Variants in STK31 observed in about 807,000 individuals in gnomAD.
STK31 encodes serine/threonine kinase 31.
A neutral mutation model predicts 129.7 loss-of-function variants in STK31; 89 were observed. The ratio of observed to expected loss-of-function variants is 0.69; its 90% CI spans 0.58 to 0.82. The LOEUF (loss-of-function observed/expected upper bound fraction) is 0.82. Ranked by LOEUF, STK31 falls within the 40% of genes least tolerant of loss-of-function variation. The pLI is 0.00. For synonymous variants in STK31, 448 were observed against 395.3 expected, an observed-to-expected ratio of 1.13 and a Z score of -1.58; for missense variants, 1,187 against 1,176.4, an observed-to-expected ratio of 1.01 and a Z score of -0.13.
intron 4 of STK31, among the ~76,000 whole-genome samples, chr7:23,724,552 AC>A (rs1190646545): frequency 6.6e-6 from 1 of 152,194 alleles, no homozygotes; most frequent in Non-Finnish European, 1.5e-5. Context: ...TTTGCAATAA[AC>A]CATTGCATAT....
chr7:23,764,598 T>C (rs1789695267), intron 11 of STK31, among the ~76,000 whole-genome samples: 1 of 152,192 alleles, frequency 6.6e-6, no homozygotes, highest in African/African-American at 2.4e-5. Context: ...AGAAATTGTA[T>C]TCTCGGTTTT....
chr7:23,786,919 T>C lies in STK31; in HGVS notation c.2482T>C (p.Ser828Pro). The C allele has an allele frequency of 6.2e-7, 1 of 1,613,454 alleles. No individual in the cohort carries two copies. The highest frequency in any genetic ancestry group is 8.5e-7 in the Non-Finnish European group (1 of 1,179,582). ...NAVQANMPLN[S>P]EETLKVMKGV... ...TGTTCAAGCCAACATGCCTTTAAAT[T>C]CAGAAGTAAGTAAAAAGCACTATTT... is the stretch of plus-strand genomic sequence containing the variant. Residue 828 changes from serine (S) to proline (P), a missense_variant, in exon 20 of 24, where the codon TCA becomes CCA. Ser to Pro is a moderately conservative substitution (Grantham distance 74). This residue lies in a region of STK31 where 975 missense variants were observed against 934.9 expected (regional missense o/e 1.04). Transcript: ENST00000355870.
intron 4 of STK31, chr7:23,721,512 T>C: frequency 9.0e-6 from 9 of 998,584 alleles, no homozygotes; most frequent in South Asian, 4.0e-5. Context: ...CCCACAAATA[T>C]GTATGTGTTA....
intron 3 of STK31, among the ~76,000 whole-genome samples, chr7:23,715,625 A>G (rs1037877911): frequency 2.0e-5 from 3 of 152,112 alleles, no homozygotes; most frequent in African/African-American, 7.2e-5. Context: ...TAGTCTGTAT[A>G]GTGAAAAAAT....
chr7:23,722,862 C>T (rs951700426), intron 4 of STK31: 9 of 152,326 alleles, frequency 5.9e-5, no homozygotes, highest in Non-Finnish European at 8.8e-5. Context: ...AGCGAGGCTC[C>T]GTGGGCATGG....
intron 23 of STK31, among the ~76,000 whole-genome samples, chr7:23,826,047 T>C (rs1280402679): frequency 6.6e-6 from 1 of 152,148 alleles, no homozygotes; most frequent in Non-Finnish European, 1.5e-5. Flanking sequence ...ATAGGTGTGG[T>C]GTGGTGCTGA....
In STK31 at chr7:23,810,977, AT is replaced by A. The variant is rs1051997593; in HGVS notation, c.2761-4159del. Among the ~76,000 whole-genome samples, 6 of 146,930 alleles carry A rather than the reference AT, an allele frequency of 4.1e-5. No homozygotes were observed. In the Admixed American group the frequency reaches 4.2e-4, roughly 10 times the overall value. Reference sequence around the variant, plus strand: ...CACACACACACCTACATGATGTCTTATTTTTTTTAAACAACACCTGTACTCC... The same window carrying A: ...CACACACACACCTACATGATGTCTTATTTTTTTAAACAACACCTGTACTCC... On this transcript the variant is annotated intron_variant, in intron 22 of 23. Transcript: ENST00000355870.
At chr7:23,827,747 G>C (rs1794263837) in intron 23 of STK31, among the ~76,000 whole-genome samples, 1 of 152,158 alleles carries the variant, frequency 6.6e-6, no homozygotes, top group Non-Finnish European at 1.5e-5. Flanking sequence ...GGTCTTTGAT[G>C]ATGGTGACGT....
chr7:23,810,808 ATT>A (rs1315157437), intron 22 of STK31, among the ~76,000 whole-genome samples: 1 of 140,058 alleles, frequency 7.1e-6, no homozygotes, highest in Non-Finnish European at 1.5e-5. Context: ...ATGTATATAT[ATT>A]TGTATATAAA....
chr7:23,745,316 G>A (rs1244983570), intron 8 of STK31, among the ~76,000 whole-genome samples: 2 of 152,150 alleles, frequency 1.3e-5, no homozygotes, highest in Non-Finnish European at 2.9e-5. Context: ...CAGGTGGTGA[G>A]TGCAGACTCT....
intron 15 of STK31, among the ~76,000 whole-genome samples, chr7:23,779,653 A>G (rs983516274): frequency 2.4e-4 from 15 of 61,954 alleles, no homozygotes; most frequent in African/African-American, 8.0e-4. Context: ...AAAACTGCCT[A>G]CTCAAGCCTC....
At chr7:23,799,204 A>G (rs2128119397) in intron 22 of STK31, among the ~76,000 whole-genome samples, 1 of 152,354 alleles carries the variant, frequency 6.6e-6, no homozygotes, top group African/African-American at 2.4e-5. Flanking sequence ...ATCCCCATCA[A>G]GCCACCATTA....
intron 8 of STK31, among the ~76,000 whole-genome samples, chr7:23,745,502 G>A (rs1478231215): frequency 2.0e-5 from 3 of 152,220 alleles, no homozygotes; most frequent in Non-Finnish European, 2.9e-5. Context: ...TGCTCCAGTG[G>A]AGGCAGTTTG....
At chr7:23,821,376 T>TA (rs759855872) in intron 23 of STK31, among the ~76,000 whole-genome samples, 1 of 152,210 alleles carries the variant, frequency 6.6e-6, no homozygotes, top group Non-Finnish European at 1.5e-5. Flanking sequence ...TGTAAAATGA[T>TA]ACTTCATTGT....
chr7:23,794,665 T>C (rs981859246), intron 22 of STK31, among the ~76,000 whole-genome samples: 3 of 152,282 alleles, frequency 2.0e-5, no homozygotes, highest in South Asian at 2.1e-4. Flanking sequence ...GATAGTGATA[T>C]GGCCAGTGAA....
At chr7:23,811,213 T>A in intron 22 of STK31, 1 of 260,692 alleles carries the variant, frequency 3.8e-6, no homozygotes, top group Non-Finnish European at 7.6e-6. Flanking sequence ...TACAGTAGTT[T>A]AGCAGAGCAA....
chr7:23,806,290 T>C (rs938767140), intron 22 of STK31, among the ~76,000 whole-genome samples: 4 of 152,248 alleles, frequency 2.6e-5, no homozygotes, highest in Non-Finnish European at 5.9e-5. Context: ...TTTAATACTT[T>C]TGTTTGGAAT....
At chr7:23,777,432 A>G (rs1229231391) in intron 15 of STK31, among the ~76,000 whole-genome samples, 1 of 152,124 alleles carries the variant, frequency 6.6e-6, no homozygotes, top group Non-Finnish European at 1.5e-5. Flanking sequence ...GTAGGGTGTT[A>G]AAGTCTCCCA....
At chr7:23,775,829 C>G (rs1562592341) in intron 15 of STK31, among the ~76,000 whole-genome samples, 2 of 152,126 alleles carry the variant, frequency 1.3e-5, no homozygotes. Flanking sequence ...ATTTCTTTCT[C>G]TTGCTTGATT....
Sources: allele counts gnomAD v4.1 joint callset (sites outside exome capture counted in the v4.1 genomes callset), GRCh38; gene constraint gnomAD v4.1.1; regional missense constraint gnomAD v4.1.1; transcripts MANE v1.5; gene names NCBI Gene and HGNC (gene_info 2026-07-23, HGNC 2026-07-21).